ATXN2: variants seen among roughly 807,000 people sequenced by gnomAD.
ATXN2 encodes ataxin 2, also known as ataxin-2.
Under a neutral mutation model 138.6 loss-of-function variants are expected in ATXN2, and 37 were observed. The observed-to-expected ratio is 0.27, with a 90% CI of 0.21 to 0.35. The LOEUF is 0.35. Among genes scored for constraint, ATXN2 ranks in the 10% least tolerant of loss-of-function variants. The pLI, the probability that ATXN2 is intolerant of heterozygous loss-of-function variation, is 1.00. For synonymous variants in ATXN2, 549 were observed against 543.7 expected (o/e 1.01, Z -0.13); for missense variants, 1,216 against 1,480.3 (o/e 0.82, Z 2.93).
In ATXN2 at chr12:111,471,854, ACTTT is replaced by A. The variant is rs1876437281; in HGVS notation, c.2525-1116_2525-1113del. On this transcript the variant is annotated intron_variant, in intron 18 of 24. Coordinates refer to ENST00000673436, the MANE Select transcript of ATXN2 (RefSeq NM_001372574.1). The stretch of plus-strand genomic sequence containing the variant: ...TGAGCTTAAACTATTCACTATTATT[ACTTT>A]GTTACTTATTACCTTCCTGTATATT... The A allele has an allele frequency of 2.0e-5, 3 of 152,078 alleles. No individual in the cohort carries two copies. In the South Asian group the frequency reaches 6.2e-4, roughly 31 times the overall value. 9.4% of individuals were successfully genotyped at this position (152,078 alleles called of 1,614,324 possible).
intron 22 of ATXN2, 104 bp from the exon 23 acceptor site, chr12:111,456,360 G>T: frequency 8.6e-7 from 1 of 1,162,374 alleles, no homozygotes; most frequent in Non-Finnish European, 1.3e-6. Flanking sequence ...TATGATGAGG[G>T]TCACTGGAAA....
At chr12:111,589,010 A>C (rs1382811162) in intron 1 of ATXN2, among the ~76,000 whole-genome samples, 1 of 147,454 alleles carries the variant, frequency 6.8e-6, no homozygotes, top group Non-Finnish European at 1.5e-5. Context: ...AAAAAAAAAA[A>C]AAAAAAAAAA....
Position 111,456,065 on chromosome 12 carries a change from C to G in ATXN2, c.3234G>C (p.Ala1078=), listed in dbSNP as rs143166155. Residue 1078 remains alanine, a synonymous_variant, in exon 23 of 25, where the codon GCG becomes GCC. Transcript: ENST00000673436. The part of the protein sequence containing the change: ...FTIHPSHVQP[A]YTNPPHMAHV... ...GGGCCATGTGGGGTGGGTTGGTATACGCCGGCTGAACGTGAGAAGGATGGA... is the reference window on the plus strand; with the variant it reads ...GGGCCATGTGGGGTGGGTTGGTATAGGCCGGCTGAACGTGAGAAGGATGGA... The G allele has an allele frequency of 5.6e-6, 9 of 1,614,028 alleles. No individual in the cohort carries two copies. The highest frequency in any genetic ancestry group is 6.8e-6 in the Non-Finnish European group (8 of 1,180,052).
chr12:111,470,063 A>C, intron 20 of ATXN2, 45 bp downstream of exon 20: 3 of 1,553,430 alleles, frequency 1.9e-6, no homozygotes, highest in Non-Finnish European at 2.6e-6. Flanking sequence ...ACTTAAATTA[A>C]GAAGAGTCAC....
chr12:111,467,688 A>T (rs913596992), intron 20 of ATXN2, among the ~76,000 whole-genome samples: 2 of 152,162 alleles, frequency 1.3e-5, no homozygotes, highest in African/African-American at 4.8e-5. Flanking sequence ...CATTAGATCT[A>T]GTGCTTTGTT....
intron 6 of ATXN2, 91 bp downstream of exon 6, chr12:111,525,098 TAAC>T (rs889850977): frequency 2.5e-5 from 37 of 1,459,054 alleles, no homozygotes; most frequent in African/African-American, 1.1e-4. Flanking sequence ...CTCACTACAA[TAAC>T]AACAACAACA....
At chr12:111,537,610 T>C (rs550349867) in intron 5 of ATXN2, among the ~76,000 whole-genome samples, 4 of 150,978 alleles carry the variant, frequency 2.6e-5, no homozygotes, top group South Asian at 2.1e-4. Flanking sequence ...AAAAAGGCTA[T>C]ATATTATATG....
chr12:111,587,605 A>G (rs1222515141), intron 1 of ATXN2, among the ~76,000 whole-genome samples: 1 of 152,034 alleles, frequency 6.6e-6, no homozygotes, highest in African/African-American at 2.4e-5. Context: ...GCAGTGAGCC[A>G]TGACCATACC....
intron 5 of ATXN2, among the ~76,000 whole-genome samples, chr12:111,526,005 T>C (rs1430156192): frequency 1.3e-5 from 2 of 151,818 alleles, no homozygotes; most frequent in Admixed American, 6.6e-5. Context: ...TTTTAATATA[T>C]TGACATAATT....
At chr12:111,563,519 G>A (rs1882816467) in intron 1 of ATXN2, among the ~76,000 whole-genome samples, 1 of 151,902 alleles carries the variant, frequency 6.6e-6, no homozygotes, top group Non-Finnish European at 1.5e-5. Context: ...AAGTATTTAG[G>A]GCTAAAGAGG....
chr12:111,525,379 T>G, intron 5 of ATXN2, 63 bp from the exon 6 acceptor site: 2 of 1,415,050 alleles, frequency 1.4e-6, no homozygotes, highest in East Asian at 5.0e-5. Flanking sequence ...CTCACACACG[T>G]GAATTACCAA....
intron 18 of ATXN2, 146 bp downstream of exon 18, chr12:111,485,119 T>A (rs1877544074): frequency 4.7e-6 from 3 of 638,386 alleles, no homozygotes; most frequent in Non-Finnish European, 8.0e-6. Context: ...CATGTGAATA[T>A]CTATGTAATG....
intron 1 of ATXN2, among the ~76,000 whole-genome samples, chr12:111,596,399 T>C (rs1398058964): frequency 1.2e-4 from 18 of 151,710 alleles, no homozygotes; most frequent in Non-Finnish European, 2.5e-4. Context: ...AAAGTCAAAT[T>C]ATGAAATGTT....
At chr12:111,455,446 T>C (rs1179950236) in intron 23 of ATXN2, 4 of 321,876 alleles carry the variant, frequency 1.2e-5, no homozygotes, top group African/African-American at 4.2e-5. Flanking sequence ...TAAAGAAAAA[T>C]GGGACCACCT....
intron 1 of ATXN2, among the ~76,000 whole-genome samples, chr12:111,582,070 A>G (rs912079411): frequency 6.6e-6 from 1 of 152,068 alleles, no homozygotes; most frequent in African/African-American, 2.4e-5. Flanking sequence ...GTGCTGCCTC[A>G]TGGCCTTAAT....
chr12:111,492,129 T>C (rs1039473563), intron 14 of ATXN2, among the ~76,000 whole-genome samples: 2 of 152,096 alleles, frequency 1.3e-5, no homozygotes, highest in Non-Finnish European at 2.9e-5. Flanking sequence ...GCCATGGCAG[T>C]GCTTGTGTCA....
At chr12:111,569,985 C>T (rs1883223261) in intron 1 of ATXN2, among the ~76,000 whole-genome samples, 1 of 152,168 alleles carries the variant, frequency 6.6e-6, no homozygotes, top group Non-Finnish European at 1.5e-5. Flanking sequence ...GCACATGTGG[C>T]AGCTAAGCAC....
intron 14 of ATXN2, among the ~76,000 whole-genome samples, chr12:111,503,675 C>T (rs968078425): frequency 6.6e-6 from 1 of 151,750 alleles, no homozygotes; most frequent in Non-Finnish European, 1.5e-5. Flanking sequence ...CTGCAACCTC[C>T]ACCTCCTGGA....
At chr12:111,495,376 C>T (rs1878352136) in intron 14 of ATXN2, among the ~76,000 whole-genome samples, 1 of 148,930 alleles carries the variant, frequency 6.7e-6, no homozygotes, top group Non-Finnish European at 1.5e-5. Flanking sequence ...TAAAATCACA[C>T]ATAGACTAAA....
Sources: allele counts gnomAD v4.1 joint callset (sites outside exome capture counted in the v4.1 genomes callset), GRCh38; gene constraint gnomAD v4.1.1; transcripts MANE v1.5; gene names NCBI Gene and HGNC (gene_info 2026-07-23, HGNC 2026-07-21).